NR5A2: variants seen among roughly 807,000 people sequenced by gnomAD.
The protein encoded by NR5A2 is nuclear receptor subfamily 5 group A member 2.
NR5A2 carries 26 observed loss-of-function variants against 62.7 expected under a neutral mutation model. The observed-to-expected ratio is 0.41, with a 90% CI of 0.30 to 0.58. The LOEUF (loss-of-function observed/expected upper bound fraction) is 0.58. Among genes scored for constraint, NR5A2 ranks in the 20% least tolerant of loss-of-function variants. The probability of loss-of-function intolerance (pLI) is 0.22; values close to 1 mark genes in which losing one functional copy is unlikely to be tolerated. For synonymous variants in NR5A2, 246 were observed against 241.7 expected (o/e 1.02, Z -0.16); for missense variants, 541 against 669.1 (o/e 0.81, Z 2.11).
chr1:200,068,967 T>C (rs1246329387), intron 5 of NR5A2, among the ~76,000 whole-genome samples: 3 of 152,152 alleles, frequency 2.0e-5, no homozygotes, highest in Non-Finnish European at 4.4e-5. Flanking sequence ...AAATAATTTC[T>C]CATTGACCCA....
chr1:200,147,796 G>T lies in NR5A2; in HGVS notation c.1379-26167G>T. On this transcript the variant is annotated intron_variant, in intron 7 of 7. Transcript: ENST00000367362. This position sits in a 1 kb window ranked among gnomAD's most constrained non-coding sequence, Gnocchi z 4.9. Reference sequence around the variant, plus strand: ...GGCACGGATGCCGGCACGGTGGGCAGCCGCCGTGGCGTCCAGCACCAGGTC... The same window carrying T: ...GGCACGGATGCCGGCACGGTGGGCATCCGCCGTGGCGTCCAGCACCAGGTC... The T allele has an allele frequency of 2.1e-6, 1 of 485,660 alleles. No homozygotes were observed. 30.1% of individuals were successfully genotyped at this position (485,660 alleles called of 1,614,324 possible).
intron 7 of NR5A2, among the ~76,000 whole-genome samples, chr1:200,152,873 GATTA>G (rs1034112677): frequency 6.6e-5 from 10 of 152,314 alleles, no homozygotes; most frequent in Middle Eastern, 3.4e-3. Flanking sequence ...ACTGTGAAAA[GATTA>G]ATTAGTCTTT....
intron 5 of NR5A2, among the ~76,000 whole-genome samples, chr1:200,106,325 G>C (rs1410249496): frequency 6.6e-6 from 1 of 152,146 alleles, no homozygotes; most frequent in Non-Finnish European, 1.5e-5. Context: ...CCAAAGTGCT[G>C]GGATTACAGG....
intron 7 of NR5A2, among the ~76,000 whole-genome samples, chr1:200,126,411 C>T (rs1383066555): frequency 6.6e-6 from 1 of 152,062 alleles, no homozygotes; most frequent in African/African-American, 2.4e-5. Flanking sequence ...GGTTCATGAA[C>T]ACAGTGTATG....
chr1:200,036,728 G>A (rs1191037982), intron 1 of NR5A2, among the ~76,000 whole-genome samples: 1 of 152,128 alleles, frequency 6.6e-6, no homozygotes, highest in Non-Finnish European at 1.5e-5. Flanking sequence ...CGAGTTAAAG[G>A]CCTGGAGCGC....
intron 7 of NR5A2, among the ~76,000 whole-genome samples, chr1:200,168,358 C>T (rs940925627): frequency 2.0e-5 from 3 of 152,000 alleles, no homozygotes; most frequent in African/African-American, 7.2e-5. Flanking sequence ...TACAGGCACA[C>T]ACCACCACAT....
In NR5A2 at chr1:200,048,705, C is replaced by A. The variant is rs766472339; in HGVS notation, c.997C>A (p.Arg333=). ...CTATTTGCAGCAAGAGCAGGCTAACCGAAGCAAGCACGAAAAGCTGAGCAC... is the reference window on the plus strand; with the variant it reads ...CTATTTGCAGCAAGAGCAGGCTAACAGAAGCAAGCACGAAAAGCTGAGCAC... ...MAYLQQEQAN[R]SKHEKLSTFG... Residue 333 remains arginine, a synonymous_variant, in exon 5 of 8, where the codon CGA becomes AGA. Transcript: ENST00000367362. This position sits in a 1 kb window ranked among gnomAD's most constrained non-coding sequence, Gnocchi z 4.8. The A allele has an allele frequency of 1.9e-6, 3 of 1,614,158 alleles. No individual in the cohort carries two copies. Among genetic ancestry groups the A allele is most frequent in the Admixed American group, 3.3e-5 (2 of 60,020 alleles).
intron 7 of NR5A2, among the ~76,000 whole-genome samples, chr1:200,123,882 A>G (rs1022695730): frequency 4.0e-5 from 6 of 150,908 alleles, no homozygotes; most frequent in African/African-American, 1.2e-4. Flanking sequence ...GCTCACCACA[A>G]CCTCCGCCTC....
chr1:200,053,038 G>C (rs1196313441), intron 5 of NR5A2, among the ~76,000 whole-genome samples: 1 of 152,184 alleles, frequency 6.6e-6, no homozygotes, highest in East Asian at 1.9e-4. Flanking sequence ...AGAAGGGCCA[G>C]GAAATTTGGT....
chr1:200,069,062 C>T (rs1385895555), intron 5 of NR5A2, among the ~76,000 whole-genome samples: 1 of 152,130 alleles, frequency 6.6e-6, no homozygotes, highest in East Asian at 1.9e-4. Context: ...TCATTAGACA[C>T]TCTGTGGTTA....
At chr1:200,104,674 T>C (rs1274201600) in intron 5 of NR5A2, among the ~76,000 whole-genome samples, 1 of 152,196 alleles carries the variant, frequency 6.6e-6, no homozygotes, top group Non-Finnish European at 1.5e-5. Flanking sequence ...TTCTATTTAT[T>C]TTTTTTGAGA....
intron 7 of NR5A2, among the ~76,000 whole-genome samples, chr1:200,145,241 C>T (rs571822617): frequency 1.3e-5 from 2 of 152,164 alleles, no homozygotes; most frequent in South Asian, 2.1e-4. Flanking sequence ...ACCCGGGAGG[C>T]GGAGGTTGCA....
intron 5 of NR5A2, among the ~76,000 whole-genome samples, chr1:200,101,101 T>G (rs1571476029): frequency 6.6e-6 from 1 of 152,350 alleles, no homozygotes; most frequent in East Asian, 1.9e-4. Context: ...TATCCATATC[T>G]ATATATGCAT....
Position 200,111,442 on chromosome 1 carries a change from T to C in NR5A2, c.1230+121T>C, listed in dbSNP as rs1665953737. On this transcript the variant is annotated intron_variant, in intron 6 of 7. Coordinates refer to ENST00000367362, the MANE Select transcript of NR5A2 (RefSeq NM_205860.3). ...TTGAAAGGGAGAGATTGGCTGCCAA[T>C]AATTTAGAAAAGATGACTTGGTGCA... 23 of 1,109,534 alleles carry C rather than the reference T, an allele frequency of 2.1e-5. 1 individual carries two copies. The South Asian group carries it at 3.8e-4, about 19-fold the overall frequency. 68.7% of individuals were successfully genotyped at this position (1,109,534 alleles called of 1,614,324 possible). A position where few individuals can be genotyped will look rare whatever the true frequency, so the allele number is the denominator to read the frequency against.
intron 5 of NR5A2, among the ~76,000 whole-genome samples, chr1:200,068,296 T>A (rs1168745841): frequency 1.3e-5 from 2 of 152,274 alleles, no homozygotes; most frequent in East Asian, 3.9e-4. Context: ...TCTACAAAAT[T>A]ACAGATGAGC....
rs1347915722 is a variant in NR5A2, at chr1:200,073,241, T to C, written c.1110+24423T>C. 3.3e-5 allele frequency among the ~76,000 whole-genome samples: 4 copies of C among 121,172 alleles called. 1 individual carries two copies. Among genetic ancestry groups the C allele is most frequent in the African/African-American group, 7.3e-5 (2 of 27,478 alleles). 79.5% of individuals were successfully genotyped at this position (121,172 alleles called of 152,430 possible). On this transcript the variant is annotated intron_variant, in intron 5 of 7. Transcript: ENST00000367362. ...TGGTCAAAGCATTTACATACATATA[T>C]ATATATATATATATATATATTCCCC... is the stretch of plus-strand genomic sequence containing the variant.
rs927455540 is a variant in NR5A2, at chr1:200,150,624, CA to C, written c.1379-23331del. Among the ~76,000 whole-genome samples, 83 of 151,688 alleles carry C rather than the reference CA, an allele frequency of 5.5e-4. 1 individual carries two copies. The highest frequency in any genetic ancestry group is 7.9e-4 in the Admixed American group (12 of 15,224). On this transcript the variant is annotated intron_variant, in intron 7 of 7. Coordinates refer to ENST00000367362, the MANE Select transcript of NR5A2 (RefSeq NM_205860.3). ...GAGTTAACCCTGTGTATTTAAATGTCAAAAAAAATATTCAGTGAAGATGAGT... is the reference window on the plus strand; with the variant it reads ...GAGTTAACCCTGTGTATTTAAATGTCAAAAAAATATTCAGTGAAGATGAGT...
chr1:200,115,431 G>C (rs185450656), intron 6 of NR5A2, among the ~76,000 whole-genome samples: 1 of 152,264 alleles, frequency 6.6e-6, no homozygotes, highest in South Asian at 2.1e-4. Context: ...AGGCCATGTT[G>C]TTGATATCAT....
intron 5 of NR5A2, among the ~76,000 whole-genome samples, chr1:200,062,414 T>C (rs1663272298): frequency 6.6e-6 from 1 of 152,216 alleles, no homozygotes; most frequent in Non-Finnish European, 1.5e-5. Context: ...TCACCACACA[T>C]CTTATCAGCA....
Sources: gnomAD v4.1 joint callset for allele counts (sites outside exome capture counted in the v4.1 genomes callset) on GRCh38, gnomAD v4.1.1 for gene constraint, Gnocchi (gnomAD v3.1) non-coding constraint, MANE v1.5 for transcripts, NCBI Gene and HGNC (gene_info 2026-07-23, HGNC 2026-07-21) for gene names.